The following RNLS variants were observed in gnomAD, a reference collection of about 807,000 sequenced individuals.
RNLS encodes the protein renalase.
RNLS carries 39 observed loss-of-function variants against 39.8 expected under a neutral mutation model. The ratio of observed to expected loss-of-function variants is 0.98; its 90% CI spans 0.76 to 1.28. The LOEUF (loss-of-function observed/expected upper bound fraction) is 1.28, where lower values mean the gene tolerates loss of function less well. Among genes scored for constraint, RNLS ranks in the 50% most tolerant of loss-of-function variants. The pLI, the probability that RNLS is intolerant of heterozygous loss-of-function variation, is 0.00. For synonymous variants in RNLS, 147 were observed against 150.7 expected (o/e 0.98, Z 0.18); for missense variants, 410 against 413.3 (o/e 0.99, Z 0.07).
intron 4 of RNLS, among the ~76,000 whole-genome samples, chr10:88,524,142 G>C (rs941630702): frequency 6.6e-6 from 1 of 151,886 alleles, no homozygotes; most frequent in Non-Finnish European, 1.5e-5. Context: ...AAGCTCTTTA[G>C]GTTTCCTGGC....
intron 6 of RNLS, among the ~76,000 whole-genome samples, chr10:88,305,625 C>A (rs1436538645): frequency 3.3e-5 from 5 of 152,144 alleles, no homozygotes. Context: ...ACAAGAAGAT[C>A]TAACTATCCT....
chr10:88,204,260 T>TTTCAGAAATTC, the RNLS span, among the ~76,000 whole-genome samples: 92 of 152,260 alleles, frequency 6.0e-4, 1 homozygote, highest in East Asian at 0.016. Context: ...CTTAGAACCC[T>TTTCAGAAATTC]AAGCCCTGTG....
At chr10:88,341,785 T>C (rs1051618101) in intron 5 of RNLS, among the ~76,000 whole-genome samples, 6 of 152,122 alleles carry the variant, frequency 3.9e-5, no homozygotes, top group Admixed American at 1.3e-4. Flanking sequence ...AATTGTAAAA[T>C]AAAACTTAAG....
intron 6 of RNLS, among the ~76,000 whole-genome samples, chr10:88,298,999 T>C (rs553099045): frequency 6.6e-6 from 1 of 152,360 alleles, no homozygotes; most frequent in African/African-American, 2.4e-5. Flanking sequence ...AGCAATGTTT[T>C]GTAGTTTTCA....
intron 5 of RNLS, among the ~76,000 whole-genome samples, chr10:88,322,106 A>G (rs772183770): frequency 1.1e-4 from 16 of 152,218 alleles, no homozygotes; most frequent in Non-Finnish European, 1.9e-4. Context: ...CATCGTGATC[A>G]AGTGGGTTTT....
At chr10:88,212,116 T>C in the RNLS span, among the ~76,000 whole-genome samples, 2 of 152,214 alleles carry the variant, frequency 1.3e-5, no homozygotes, top group Non-Finnish European at 2.9e-5. Context: ...TCTTTTATGA[T>C]GCCTTCTCTG....
chr10:88,471,078 T>TTGTC (rs1297368540), intron 4 of RNLS, among the ~76,000 whole-genome samples: 1 of 152,148 alleles, frequency 6.6e-6, no homozygotes, highest in East Asian at 1.9e-4. Flanking sequence ...ACCTCAATGT[T>TTGTC]TGTCTAAGTA....
intron 4 of RNLS, among the ~76,000 whole-genome samples, chr10:88,546,032 T>G (rs1848289315): frequency 6.6e-6 from 1 of 151,958 alleles, no homozygotes; most frequent in African/African-American, 2.4e-5. Flanking sequence ...CCTAAACTGG[T>G]AGGGGGGAGG....
the RNLS span, among the ~76,000 whole-genome samples, chr10:88,173,814 A>G: frequency 6.6e-6 from 1 of 152,162 alleles, no homozygotes; most frequent in Non-Finnish European, 1.5e-5. Context: ...AATTATGTCC[A>G]TAGGTTTTGG....
intron 4 of RNLS, among the ~76,000 whole-genome samples, chr10:88,551,607 C>T (rs1310750523): frequency 6.6e-6 from 1 of 151,696 alleles, no homozygotes; most frequent in Non-Finnish European, 1.5e-5. Context: ...TGCTTGTGAT[C>T]ATAATACACA....
At chr10:88,322,744 C>A (rs1165387571) in intron 5 of RNLS, among the ~76,000 whole-genome samples, 1 of 152,174 alleles carries the variant, frequency 6.6e-6, no homozygotes, top group African/African-American at 2.4e-5. Flanking sequence ...TGTCTACTCT[C>A]ATTTCTCCTA....
intron 4 of RNLS, among the ~76,000 whole-genome samples, chr10:88,520,421 A>T (rs1323662512): frequency 6.6e-6 from 1 of 152,028 alleles, no homozygotes; most frequent in Non-Finnish European, 1.5e-5. Context: ...GTCTTCTGGC[A>T]GGTCAGTTTC....
chr10:88,214,753 G>T, the RNLS span, among the ~76,000 whole-genome samples: 1 of 151,974 alleles, frequency 6.6e-6, no homozygotes, highest in Admixed American at 6.6e-5. Context: ...ATGTCATTTT[G>T]CTTGCTATTT....
At chr10:88,338,763 T>TC (rs1307804426) in intron 5 of RNLS, among the ~76,000 whole-genome samples, 2 of 144,970 alleles carry the variant, frequency 1.4e-5, no homozygotes, top group Admixed American at 6.9e-5. Flanking sequence ...ATTTCCTTTT[T>TC]TTTTTTTTTT....
chr10:88,513,400 C>T (rs1466511252), intron 4 of RNLS, among the ~76,000 whole-genome samples: 2 of 152,096 alleles, frequency 1.3e-5, no homozygotes, highest in South Asian at 2.1e-4. Flanking sequence ...TTTTCCCCAA[C>T]ATTTTATTAT....
At chr10:88,421,157 C>T (rs1308194801) in intron 4 of RNLS, among the ~76,000 whole-genome samples, 1 of 152,218 alleles carries the variant, frequency 6.6e-6, no homozygotes, top group Non-Finnish European at 1.5e-5. Flanking sequence ...AAACCCTTAA[C>T]TCCCCCTTTC....
chr10:88,420,889 C>T (rs1162651637), intron 4 of RNLS, among the ~76,000 whole-genome samples: 1 of 152,252 alleles, frequency 6.6e-6, no homozygotes, highest in Non-Finnish European at 1.5e-5. Flanking sequence ...CACCTGAATG[C>T]CTGGCTACTC....
At chr10:88,413,350 G>T (rs1056064903) in intron 4 of RNLS, among the ~76,000 whole-genome samples, 2 of 152,266 alleles carry the variant, frequency 1.3e-5, no homozygotes, top group African/African-American at 4.8e-5. Context: ...TACCTGACAT[G>T]CATCCATTCA....
intron 4 of RNLS, among the ~76,000 whole-genome samples, chr10:88,471,450 G>A (rs1843518389): frequency 2.0e-5 from 3 of 152,078 alleles, no homozygotes. Context: ...ACCAGCAATG[G>A]GTGCTGCTTG....
Sources: gnomAD v4.1 joint callset for allele counts (sites outside exome capture counted in the v4.1 genomes callset) on GRCh38, gnomAD v4.1.1 for gene constraint, MANE v1.5 for transcripts, NCBI Gene and HGNC (gene_info 2026-07-23, HGNC 2026-07-21) for gene names.